Variants in IFNGR2 observed in about 807,000 individuals in gnomAD.
IFNGR2 encodes IFN-gamma receptor 2.
A neutral mutation model predicts 41.1 loss-of-function variants in IFNGR2; 15 were observed. The ratio of observed to expected loss-of-function variants is 0.37; its 90% CI spans 0.24 to 0.56. The LOEUF is 0.56. IFNGR2 is among the 20% of genes least tolerant of loss of function. The pLI is 0.81. For synonymous variants in IFNGR2, 161 were observed against 171.6 expected, an observed-to-expected ratio of 0.94 and a Z score of 0.48; for missense variants, 362 against 415.7, an observed-to-expected ratio of 0.87 and a Z score of 1.12.
intron 5 of IFNGR2, 120 bp downstream of exon 5, chr21:33,432,456 T>C: frequency 9.9e-7 from 1 of 1,005,380 alleles, no homozygotes; most frequent in Non-Finnish European, 1.6e-6. Context: ...GTGAGAAGAG[T>C]GCTGAACTGC....
chr21:33,429,298 C>G (rs1041267698), intron 4 of IFNGR2, among the ~76,000 whole-genome samples: 2 of 151,838 alleles, frequency 1.3e-5, no homozygotes, highest in Non-Finnish European at 2.9e-5. Context: ...CAAGACCCAC[C>G]CTAGATCGCT....
At chr21:33,413,687 C>G (rs766810185) in intron 1 of IFNGR2, among the ~76,000 whole-genome samples, 1 of 151,844 alleles carries the variant, frequency 6.6e-6, no homozygotes, top group Non-Finnish European at 1.5e-5. Context: ...TCTAGGTCCC[C>G]GAAGGCTCCC....
At chr21:33,422,250 C>G (rs1469062443) in intron 3 of IFNGR2, among the ~76,000 whole-genome samples, 1 of 152,186 alleles carries the variant, frequency 6.6e-6, no homozygotes. Context: ...TGGAAGGAGA[C>G]AGAAGAACCC....
Position 33,436,865 on chromosome 21 carries a change from T to C in IFNGR2, c.917T>C (p.Leu306Ser), listed in dbSNP as rs372258499. Residue 306 changes from leucine to serine, a missense_variant, in exon 7 of 7, where the codon TTG becomes TCG. Coordinates refer to ENST00000290219, the MANE Select transcript of IFNGR2 (RefSeq NM_005534.4). The stretch of plus-strand genomic sequence containing the variant: ...CCAACTCAGCCCATCTTAGAGGCCT[T>C]GGACAAGGACAGCTCACCAAAGGAT... ...KDPTQPILEA[L>S]DKDSSPKDDV... The C allele has an allele frequency of 1.3e-5, 21 of 1,614,040 alleles. No individual in the cohort carries two copies. The highest frequency in any genetic ancestry group is 1.4e-5 in the Non-Finnish European group (17 of 1,179,968).
Position 33,421,695 on chromosome 21 carries a change from C to A in IFNGR2, c.412+10C>A, listed in dbSNP as rs200061826. ...CAACACTATCGGAATGGTAAGAGAA[C>A]TTGAGTATAGAACTTCCTTTATACT... On this transcript the variant is annotated intron_variant, in intron 3 of 6. Transcript: ENST00000290219. 3.1e-6 allele frequency: 5 copies of A among 1,603,164 alleles called. No homozygotes were observed. Among genetic ancestry groups the A allele is most frequent in the African/African-American group, 1.3e-5 (1 of 74,704 alleles).
At chr21:33,425,160 T>C (rs144068299) in intron 3 of IFNGR2, among the ~76,000 whole-genome samples, 2 of 152,306 alleles carry the variant, frequency 1.3e-5, no homozygotes, top group African/African-American at 4.8e-5. Context: ...CCTCAAGTGA[T>C]CTGCCCACCT....
intron 1 of IFNGR2, 104 bp downstream of exon 1, chr21:33,403,720 C>T (rs1261894404): frequency 4.0e-6 from 3 of 746,476 alleles, no homozygotes; most frequent in Non-Finnish European, 5.4e-6. Flanking sequence ...GCCGGGTGCT[C>T]AGAGTGGGTG....
chr21:33,424,985 C>A (rs1265878987), intron 3 of IFNGR2, among the ~76,000 whole-genome samples: 1 of 152,184 alleles, frequency 6.6e-6, no homozygotes, highest in Non-Finnish European at 1.5e-5. Flanking sequence ...TCTCGGCTCA[C>A]TGCAACCTCT....
chr21:33,433,959 T>A (rs1366912537), intron 6 of IFNGR2, among the ~76,000 whole-genome samples: 1 of 151,996 alleles, frequency 6.6e-6, no homozygotes, highest in Non-Finnish European at 1.5e-5. Context: ...ATCAGGAGCT[T>A]GAGCTTTGGG....
At position 33,411,094 on chromosome 21, in the gene IFNGR2, T is replaced by C. The variant is rs2083712482; in HGVS notation, c.74-3794T>C. 5.3e-5 allele frequency among the ~76,000 whole-genome samples: 8 copies of C among 152,358 alleles called. No homozygotes were observed. The South Asian group carries it at 1.7e-3, about 32-fold the overall frequency. ...AGATGTGCAATCCTTGGCACTTCCC[T>C]GTGGCGTCTGCAGTTCTGAGACTGA... On this transcript the variant is annotated intron_variant, in intron 1 of 6. Transcript: ENST00000290219.
intron 1 of IFNGR2, among the ~76,000 whole-genome samples, chr21:33,412,844 T>G (rs1056156483): frequency 6.6e-6 from 1 of 152,234 alleles, no homozygotes; most frequent in Admixed American, 6.5e-5. Flanking sequence ...CATGAGCCAC[T>G]GTGCCCGGCC....
At chr21:33,435,882 C>CAAAAAAAA (rs35251279) in intron 6 of IFNGR2, among the ~76,000 whole-genome samples, 1 of 48,244 alleles carries the variant, frequency 2.1e-5, no homozygotes, top group African/African-American at 9.8e-5. Flanking sequence ...GACTCCGTCT[C>CAAAAAAAA]AAAAAAAAAA....
intron 2 of IFNGR2, among the ~76,000 whole-genome samples, chr21:33,415,359 G>A (rs925044759): frequency 6.6e-6 from 1 of 152,132 alleles, no homozygotes; most frequent in Non-Finnish European, 1.5e-5. Context: ...CTTCATCTTC[G>A]GGCTTAAAAA....
At position 33,421,375 on chromosome 21, in the gene IFNGR2, A is replaced by AT. The variant is rs1349673236; in HGVS notation, c.207-104dup. The AT allele has an allele frequency of 6.0e-6, 5 of 835,090 alleles. No homozygotes were observed. The Admixed American group carries it at 9.2e-5, about 15-fold the overall frequency. 51.7% of individuals were successfully genotyped at this position (835,090 alleles called of 1,614,324 possible). On this transcript the variant is annotated intron_variant, in intron 2 of 6. Transcript: ENST00000290219. ...AGCGGGGGGGAACTGTATGGTACATATAAATTGTATCTCAATAAACCTGCG... is the reference window on the plus strand; with the variant it reads ...AGCGGGGGGGAACTGTATGGTACATATTAAATTGTATCTCAATAAACCTGCG...
intron 6 of IFNGR2, among the ~76,000 whole-genome samples, chr21:33,434,712 T>C (rs1417678834): frequency 6.6e-6 from 1 of 152,148 alleles, no homozygotes; most frequent in Non-Finnish European, 1.5e-5. Flanking sequence ...TGTTCCTTCA[T>C]CTGCCATGAT....
At chr21:33,421,448 T>C (rs1301801318) in intron 2 of IFNGR2, 32 bp from the exon 3 acceptor site, 1 of 1,561,156 alleles carries the variant, frequency 6.4e-7, no homozygotes, top group Non-Finnish European at 8.8e-7. Flanking sequence ...AACAGAGAAT[T>C]CTGTGAATTG....
At chr21:33,415,755 T>C (rs1181180105) in intron 2 of IFNGR2, among the ~76,000 whole-genome samples, 1 of 152,222 alleles carries the variant, frequency 6.6e-6, no homozygotes, top group African/African-American at 2.4e-5. Context: ...CAGAATCAAT[T>C]AGCATAGCCC....
chr21:33,432,987 G>A (rs903169657), intron 6 of IFNGR2, 116 bp downstream of exon 6: 6 of 858,884 alleles, frequency 7.0e-6, no homozygotes, highest in African/African-American at 6.8e-5. Context: ...CCAGGTTCAA[G>A]CGATTCTCCT....
chr21:33,407,120 T>C (rs2083683024), intron 1 of IFNGR2, among the ~76,000 whole-genome samples: 1 of 152,114 alleles, frequency 6.6e-6, no homozygotes, highest in African/African-American at 2.4e-5. Flanking sequence ...GTAAATCAAC[T>C]GACCAGTTAG....
Sources: allele counts gnomAD v4.1 joint callset (sites outside exome capture counted in the v4.1 genomes callset), GRCh38; gene constraint gnomAD v4.1.1; transcripts MANE v1.5; gene names NCBI Gene and HGNC (gene_info 2026-07-23, HGNC 2026-07-21).